The following TMEM163 variants were observed in gnomAD, a reference collection of about 807,000 sequenced individuals.
TMEM163 encodes transmembrane protein 163.
In TMEM163, 17 loss-of-function variants were observed where a neutral mutation model predicts 29.3. The observed-to-expected ratio is 0.58, with a 90% CI of 0.40 to 0.87. The LOEUF (loss-of-function observed/expected upper bound fraction) is 0.87. Ranked by LOEUF, TMEM163 falls within the 40% of genes least tolerant of loss-of-function variation. TMEM163 has a pLI of 0.00. For synonymous variants in TMEM163, 157 were observed against 160.6 expected (o/e 0.98, Z 0.17); for missense variants, 303 against 381.5 (o/e 0.79, Z 1.71).
At chr2:134,516,483 C>T (rs1680058863) in intron 4 of TMEM163, among the ~76,000 whole-genome samples, 1 of 151,726 alleles carries the variant, frequency 6.6e-6, no homozygotes, top group African/African-American at 2.4e-5. Flanking sequence ...ATCACTTGAA[C>T]TCAGGAGGCA....
intron 2 of TMEM163, among the ~76,000 whole-genome samples, chr2:134,650,996 A>G (rs1325152425): frequency 9.8e-6 from 1 of 102,522 alleles, no homozygotes; most frequent in African/African-American, 5.3e-5. Context: ...TAATGCCGCA[A>G]TAAACATACG....
At chr2:134,463,080 C>T (rs2106473010) in intron 6 of TMEM163, among the ~76,000 whole-genome samples, 1 of 152,354 alleles carries the variant, frequency 6.6e-6, no homozygotes, top group East Asian at 1.9e-4. Flanking sequence ...CACTGCCTAC[C>T]CCAAGGGCTC....
At chr2:134,508,625 C>T (rs1378029428) in intron 4 of TMEM163, among the ~76,000 whole-genome samples, 1 of 152,186 alleles carries the variant, frequency 6.6e-6, no homozygotes, top group Non-Finnish European at 1.5e-5. Context: ...CAAACCGGCA[C>T]CATCTGGTTA....
At chr2:134,613,122 A>G (rs1682541569) in intron 2 of TMEM163, among the ~76,000 whole-genome samples, 1 of 152,244 alleles carries the variant, frequency 6.6e-6, no homozygotes, top group Admixed American at 6.5e-5. Context: ...AATAACTGAA[A>G]TGAAAATTCT....
intron 2 of TMEM163, among the ~76,000 whole-genome samples, chr2:134,608,787 A>G (rs1295198297): frequency 9.7e-3 from 397 of 41,044 alleles, no homozygotes; most frequent in African/African-American, 0.051. Context: ...ACAGACCCCG[A>G]GAACTGTGCT....
At chr2:134,673,645 G>T (rs1392967346) in intron 2 of TMEM163, among the ~76,000 whole-genome samples, 1 of 152,216 alleles carries the variant, frequency 6.6e-6, no homozygotes, top group African/African-American at 2.4e-5. Flanking sequence ...CAAGGTAGGA[G>T]AGTGGAAGAA....
chr2:134,591,290 A>G (rs899770630), intron 2 of TMEM163, among the ~76,000 whole-genome samples: 4 of 152,168 alleles, frequency 2.6e-5, no homozygotes, highest in African/African-American at 9.7e-5. Context: ...TGAGTCTCTC[A>G]CAATGAGAGA....
chr2:134,666,507 C>T (rs1683875971), intron 2 of TMEM163, among the ~76,000 whole-genome samples: 2 of 152,242 alleles, frequency 1.3e-5, no homozygotes, highest in South Asian at 4.1e-4. Flanking sequence ...CCTTCTCCAC[C>T]TTCAGCACAG....
intron 2 of TMEM163, among the ~76,000 whole-genome samples, chr2:134,557,931 G>T (rs552286899): frequency 6.6e-6 from 1 of 152,050 alleles, no homozygotes; most frequent in African/African-American, 2.4e-5. Flanking sequence ...TAGGGATTTG[G>T]GGGTCCTGAG....
chr2:134,516,544 G>A (rs1206337646), intron 4 of TMEM163, among the ~76,000 whole-genome samples: 4 of 150,882 alleles, frequency 2.7e-5, no homozygotes, highest in Non-Finnish European at 5.9e-5. Flanking sequence ...CTGGGCAACA[G>A]AACAAGACCC....
At position 134,691,393 on chromosome 2, in the gene TMEM163, C is replaced by T. The variant is rs181194366; in HGVS notation, c.322+21807G>A. 3.6e-3 allele frequency among the ~76,000 whole-genome samples: 544 copies of T among 152,264 alleles called. 1 individual carries two copies. The highest frequency in any genetic ancestry group is 6.5e-3 in the Admixed American group (100 of 15,292). On this transcript the variant is annotated intron_variant, in intron 2 of 7. Coordinates refer to ENST00000281924, the MANE Select transcript of TMEM163 (RefSeq NM_030923.5). Reference sequence around the variant, plus strand: ...AGCCCTTGTGGCTGTACTGAGAGCCCCATTCTCCAATCCGGGTTTCTCAGC... The same window carrying T: ...AGCCCTTGTGGCTGTACTGAGAGCCTCATTCTCCAATCCGGGTTTCTCAGC...
chr2:134,574,598 G>A (rs1434220240), intron 2 of TMEM163, among the ~76,000 whole-genome samples: 2 of 152,170 alleles, frequency 1.3e-5, no homozygotes, highest in Non-Finnish European at 2.9e-5. Flanking sequence ...AGGAAGATGT[G>A]TTCAAATGTC....
chr2:134,713,344 A>G (rs1553497530), intron 1 of TMEM163, 25 bp from the exon 2 acceptor site: 1 of 1,612,470 alleles, frequency 6.2e-7, no homozygotes, highest in Non-Finnish European at 8.5e-7. Context: ...GAGAAAGGGA[A>G]GTTAGACATT....
intron 2 of TMEM163, among the ~76,000 whole-genome samples, chr2:134,596,738 T>C (rs1267424030): frequency 2.0e-5 from 3 of 152,020 alleles, no homozygotes; most frequent in African/African-American, 2.4e-5. Flanking sequence ...ATTCTTCCTA[T>C]CCATGAGCAT....
chr2:134,534,319 C>T (rs1680481644), intron 4 of TMEM163, among the ~76,000 whole-genome samples: 1 of 152,120 alleles, frequency 6.6e-6, no homozygotes, highest in South Asian at 2.1e-4. Context: ...ATGTAGGCTA[C>T]ACCAACAGAA....
intron 4 of TMEM163, among the ~76,000 whole-genome samples, chr2:134,508,300 C>T (rs1215061059): frequency 1.3e-5 from 2 of 152,210 alleles, no homozygotes; most frequent in Admixed American, 1.3e-4. Flanking sequence ...ACCAATTCAT[C>T]CCACAGTTTA....
intron 2 of TMEM163, among the ~76,000 whole-genome samples, chr2:134,566,834 A>G (rs2104781591): frequency 6.6e-6 from 1 of 152,332 alleles, no homozygotes; most frequent in East Asian, 1.9e-4. Flanking sequence ...TTAATAAGAG[A>G]GTTGTTTAAT....
At chr2:134,521,549 C>T (rs539011748) in intron 4 of TMEM163, among the ~76,000 whole-genome samples, 1 of 152,284 alleles carries the variant, frequency 6.6e-6, no homozygotes, top group South Asian at 2.1e-4. Context: ...GGAAACCCTG[C>T]TCTAAGTCAT....
At chr2:134,575,682 A>G (rs1681536442) in intron 2 of TMEM163, among the ~76,000 whole-genome samples, 1 of 152,232 alleles carries the variant, frequency 6.6e-6, no homozygotes, top group Non-Finnish European at 1.5e-5. Flanking sequence ...CTCCCTACCA[A>G]ACCGGACCAT....
Sources: gnomAD v4.1 joint callset for allele counts (sites outside exome capture counted in the v4.1 genomes callset) on GRCh38, gnomAD v4.1.1 for gene constraint, MANE v1.5 for transcripts, NCBI Gene and HGNC (gene_info 2026-07-23, HGNC 2026-07-21) for gene names.